Variants in NRCAM observed in about 807,000 individuals in gnomAD.
The protein encoded by NRCAM is neuronal cell adhesion molecule, also known as NgCAM-related cell adhesion molecule.
NRCAM carries 83 observed loss-of-function variants against 156.5 expected under a neutral mutation model. The observed-to-expected ratio is 0.53, with a 90% CI of 0.44 to 0.64. NRCAM has a LOEUF of 0.64. NRCAM is among the 30% of genes least tolerant of loss of function. NRCAM has a pLI of 0.00. For missense variants in NRCAM, 1,417 were observed against 1,597.3 expected (o/e 0.89, Z 1.92); for synonymous variants, 538 against 563.9 (o/e 0.95, Z 0.65).
At chr7:108,229,274 T>C (rs917730132) in intron 8 of NRCAM, among the ~76,000 whole-genome samples, 3 of 152,176 alleles carry the variant, frequency 2.0e-5, no homozygotes, top group Non-Finnish European at 4.4e-5. Flanking sequence ...TTATTATCAT[T>C]ATTTTAGGGA....
intron 3 of NRCAM, among the ~76,000 whole-genome samples, chr7:108,249,655 T>G (rs1228776450): frequency 1.3e-5 from 2 of 152,208 alleles, no homozygotes; most frequent in Admixed American, 1.3e-4. Context: ...GACCATGTCC[T>G]CTGTGAAAGG....
At chr7:108,434,339 T>C (rs1261760624) in intron 1 of NRCAM, among the ~76,000 whole-genome samples, 1 of 152,176 alleles carries the variant, frequency 6.6e-6, no homozygotes, top group African/African-American at 2.4e-5. Flanking sequence ...ACCAGCAGTT[T>C]AGATAGACTG....
intron 20 of NRCAM, 99 bp downstream of exon 20, chr7:108,189,546 C>T (rs2153429015): frequency 1.5e-6 from 1 of 679,122 alleles, no homozygotes; most frequent in Non-Finnish European, 2.6e-6. Flanking sequence ...GCAGAGAATC[C>T]CAGTAAATAC....
intron 2 of NRCAM, among the ~76,000 whole-genome samples, chr7:108,336,994 G>A (rs2099201524): frequency 1.3e-5 from 2 of 152,124 alleles, no homozygotes; most frequent in Admixed American, 6.5e-5. Context: ...GCCTGGCATG[G>A]TGGTTTATGC....
chr7:108,158,406 T>C (rs2046825771), intron 32 of NRCAM, among the ~76,000 whole-genome samples: 1 of 152,178 alleles, frequency 6.6e-6, no homozygotes, highest in African/African-American at 2.4e-5. Flanking sequence ...TGTCTTTTTC[T>C]CAATCAGTTC....
Position 108,191,770 on chromosome 7 carries a change from G to A in NRCAM, c.1862C>T (p.Thr621Ile). 1 of 1,614,050 alleles carries A rather than the reference G, an allele frequency of 6.2e-7. No homozygotes were observed. The highest frequency in any genetic ancestry group is 8.5e-7 in the Non-Finnish European group (1 of 1,179,992). ...AGCGCTGGCGGAGACGCTGTCCAGA[G>A]TGGTGTTGGCCACACACGTGTAGGT... ...SGTYTCVANT[T>I]LDSVSASAVL... Residue 621 changes from threonine to isoleucine, a missense_variant, in exon 18 of 33, where the codon ACT becomes ATT. By Grantham distance (89) the Thr-to-Ile change is moderately conservative. Coordinates refer to ENST00000379028, the MANE Select transcript of NRCAM (RefSeq NM_001037132.4).
intron 3 of NRCAM, among the ~76,000 whole-genome samples, chr7:108,255,196 AC>A (rs1250131675): frequency 2.0e-5 from 1 of 50,198 alleles, no homozygotes; most frequent in Non-Finnish European, 3.7e-5. Context: ...CCCACTTTCC[AC>A]GGTCTCCCTC....
intron 1 of NRCAM, among the ~76,000 whole-genome samples, chr7:108,455,867 C>A (rs1472571477): frequency 2.0e-5 from 3 of 152,210 alleles, no homozygotes; most frequent in Non-Finnish European, 4.4e-5. Context: ...GCTCTCCATG[C>A]CCAACTGCCC....
rs1016006251 is a variant in NRCAM at position 108,154,494 on chromosome 7, G to A, written c.3678-4347C>T. Among the ~76,000 whole-genome samples the A allele has an allele frequency of 1.4e-4, 21 of 152,120 alleles. 1 individual carries two copies. Among genetic ancestry groups the A allele is most frequent in the African/African-American group, 4.6e-4 (19 of 41,408 alleles). On this transcript the variant is annotated intron_variant, in intron 32 of 32. Transcript: ENST00000379028. ...GTTATCATTAATGACCAGCCAAGAA[G>A]GGGCTCCCCCAAAACATCCATTCAC...
chr7:108,280,529 A>G (rs899736299), intron 3 of NRCAM, among the ~76,000 whole-genome samples: 13 of 152,224 alleles, frequency 8.5e-5, no homozygotes, highest in African/African-American at 1.9e-4. Context: ...CTGGACAGCA[A>G]TGAAAGATGA....
chr7:108,195,696 A>C, intron 15 of NRCAM, 65 bp downstream of exon 15: 1 of 872,680 alleles, frequency 1.1e-6, no homozygotes, highest in Non-Finnish European at 1.9e-6. Context: ...AACCCAACAT[A>C]TTTAGAATAT....
At chr7:108,288,767 C>T (rs773871219) in intron 3 of NRCAM, among the ~76,000 whole-genome samples, 2 of 151,912 alleles carry the variant, frequency 1.3e-5, no homozygotes, top group Non-Finnish European at 2.9e-5. Context: ...AGTGTTTTCT[C>T]CCACCAAAAA....
At chr7:108,266,065 T>TC (rs1224247052) in intron 3 of NRCAM, among the ~76,000 whole-genome samples, 15 of 152,246 alleles carry the variant, frequency 9.9e-5, no homozygotes, top group Admixed American at 2.0e-4. Flanking sequence ...TTTCTTTTTT[T>TC]CATAGTATTA....
At chr7:108,425,883 G>C (rs1389283622) in intron 1 of NRCAM, among the ~76,000 whole-genome samples, 1 of 152,196 alleles carries the variant, frequency 6.6e-6, no homozygotes, top group Non-Finnish European at 1.5e-5. Flanking sequence ...GAAAGCCTCA[G>C]AGACTTCCTC....
At chr7:108,181,974 G>T in intron 23 of NRCAM, 37 bp from the exon 24 acceptor site, 2 of 1,481,766 alleles carry the variant, frequency 1.3e-6, no homozygotes, top group Non-Finnish European at 1.9e-6. Context: ...AAGTATCAAT[G>T]TTATTTTTAA....
At chr7:108,442,962 TTAGTTG>T (rs11277420) in intron 1 of NRCAM, among the ~76,000 whole-genome samples, 90,452 of 151,156 alleles carry the variant, frequency 0.6, 27,457 homozygotes, top group African/African-American at 0.73. Context: ...TAGATTCTCA[TTAGTTG>T]TAGTTGCTCC....
intron 1 of NRCAM, among the ~76,000 whole-genome samples, chr7:108,443,879 T>TATATATAGATAG (rs1841381679): frequency 6.8e-6 from 1 of 148,130 alleles, no homozygotes; most frequent in Non-Finnish European, 1.5e-5. Context: ...AGTATACAGA[T>TATATATAGATAG]ATAGATAGAT....
intron 1 of NRCAM, among the ~76,000 whole-genome samples, chr7:108,427,173 G>C (rs1818403227): frequency 6.6e-6 from 1 of 152,074 alleles, no homozygotes; most frequent in African/African-American, 2.4e-5. Context: ...TTCTAGGAAG[G>C]CTTCTTCACC....
intron 7 of NRCAM, 43 bp downstream of exon 7, chr7:108,232,283 A>G (rs1437616258): frequency 7.0e-7 from 1 of 1,419,726 alleles, no homozygotes; most frequent in Admixed American, 2.0e-5. Flanking sequence ...TCTTGGAGCA[A>G]TACTTTAAAA....
Sources: gnomAD v4.1 joint callset for allele counts (sites outside exome capture counted in the v4.1 genomes callset) on GRCh38, gnomAD v4.1.1 for gene constraint, MANE v1.5 for transcripts, NCBI Gene and HGNC (gene_info 2026-07-23, HGNC 2026-07-21) for gene names.